DYNLT2B: variants seen among roughly 807,000 people sequenced by gnomAD.
DYNLT2B encodes dynein light chain Tctex-type 2B.
Under a neutral mutation model 19.5 loss-of-function variants are expected in DYNLT2B, and 14 were observed. The ratio of observed to expected loss-of-function variants is 0.72; its 90% confidence interval spans 0.47 to 1.12. The LOEUF (loss-of-function observed/expected upper bound fraction) is 1.12. Among genes scored for constraint, DYNLT2B ranks in the 50% most tolerant of loss-of-function variants. DYNLT2B has a pLI of 0.00. For missense variants in DYNLT2B, 133 were observed against 174.7 expected, an observed-to-expected ratio of 0.76 and a Z score of 1.35; for synonymous variants, 70 against 59.7, an observed-to-expected ratio of 1.17 and a Z score of -0.79.
intron 3 of DYNLT2B, among the ~76,000 whole-genome samples, chr3:196,299,294 A>G (rs1726292912): frequency 6.6e-6 from 1 of 152,030 alleles, no homozygotes; most frequent in Non-Finnish European, 1.5e-5. Flanking sequence ...CATGTTGGGC[A>G]GGCTGGTCTC....
intron 3 of DYNLT2B, among the ~76,000 whole-genome samples, chr3:196,303,605 T>C (rs1027988356): frequency 6.6e-6 from 1 of 151,858 alleles, no homozygotes; most frequent in Non-Finnish European, 1.5e-5. Flanking sequence ...AGCAGAAAAA[T>C]CCCAGTGAAG....
chr3:196,314,937 G>A lies in DYNLT2B; in HGVS notation c.247+1161C>T, dbSNP rs189762384. ...TTGGTAGGGGTCGAGGGTTGAGTAA[G>A]GGAAGTAGCTAAGGATTAGGGAGGA... is the stretch of plus-strand genomic sequence containing the variant. On this transcript the variant is annotated intron_variant, in intron 2 of 4. Transcript: ENST00000325318. 4.1e-4 allele frequency among the ~76,000 whole-genome samples: 62 copies of A among 152,284 alleles called. 1 individual carries two copies. The East Asian group carries it at 8.5e-3, about 21-fold the overall frequency.
chr3:196,300,598 G>A (rs137939947), intron 3 of DYNLT2B, among the ~76,000 whole-genome samples: 54 of 151,380 alleles, frequency 3.6e-4, no homozygotes, highest in African/African-American at 9.7e-4. Flanking sequence ...GCGTGGTGGC[G>A]TGCGTCTCTA....
intron 1 of DYNLT2B, among the ~76,000 whole-genome samples, chr3:196,316,935 GTGTGT>G (rs1726831730): frequency 1.7e-5 from 1 of 59,154 alleles, no homozygotes; most frequent in Non-Finnish European, 3.5e-5. Flanking sequence ...GTGTTGTGTG[GTGTGT>G]GTGTGTGTGT....
intron 4 of DYNLT2B, among the ~76,000 whole-genome samples, chr3:196,294,374 C>A (rs1461102777): frequency 6.6e-6 from 1 of 152,034 alleles, no homozygotes. Context: ...AAAAATAAAA[C>A]CTTGGTGAGA....
intron 2 of DYNLT2B, among the ~76,000 whole-genome samples, chr3:196,310,545 G>A (rs1726611143): frequency 6.8e-6 from 1 of 147,948 alleles, no homozygotes; most frequent in Non-Finnish European, 1.5e-5. Flanking sequence ...TCTCCCACCT[G>A]AGCCTTCTGA....
intron 3 of DYNLT2B, 90 bp from the exon 4 acceptor site, chr3:196,296,159 A>G (rs1366635387): frequency 3.7e-6 from 4 of 1,082,854 alleles, no homozygotes; most frequent in Non-Finnish European, 5.7e-6. Context: ...TCCTTAATAC[A>G]TTCTCATAGA....
At chr3:196,300,266 A>G (rs1436070973) in intron 3 of DYNLT2B, among the ~76,000 whole-genome samples, 1 of 152,220 alleles carries the variant, frequency 6.6e-6, no homozygotes, top group Non-Finnish European at 1.5e-5. Context: ...ATAATTTGTT[A>G]CGGCAGCAAC....
intron 3 of DYNLT2B, 47 bp from the exon 4 acceptor site, chr3:196,296,116 T>G: frequency 1.3e-6 from 2 of 1,496,494 alleles, no homozygotes; most frequent in Non-Finnish European, 1.9e-6. Flanking sequence ...AACAAGGACC[T>G]AAACGACACA....
intron 3 of DYNLT2B, among the ~76,000 whole-genome samples, chr3:196,303,402 C>T (rs1488191537): frequency 6.6e-6 from 1 of 152,168 alleles, no homozygotes; most frequent in Non-Finnish European, 1.5e-5. Context: ...CAAGTGAACC[C>T]ACTGAGCAGT....
chr3:196,300,730 CAAAAAAAAAAAAA>C lies in DYNLT2B; in HGVS notation c.318-4674_318-4662del, dbSNP rs1171224774. 2.2e-3 allele frequency among the ~76,000 whole-genome samples: 149 copies of C among 68,852 alleles called. 1 individual carries two copies. Among genetic ancestry groups the C allele is most frequent in the East Asian group, 7.9e-3 (19 of 2,408 alleles). The allele number at this position is 68,852 out of a possible 152,430, so 45.2% of individuals were successfully genotyped here. ...GGCAACAAGAATGAAACTCTGTCTC[CAAAAAAAAAAAAA>C]AAAAAAAAATAGAAACAAGGGTGAG... On this transcript the variant is annotated intron_variant, in intron 3 of 4. Transcript: ENST00000325318.
chr3:196,292,494 A>T (rs1351143036), intron 4 of DYNLT2B: 2 of 152,234 alleles, frequency 1.3e-5, no homozygotes, highest in Non-Finnish European at 1.5e-5. Context: ...GCTTTTGTAA[A>T]ATGCAATAAA....
chr3:196,303,394 A>G (rs1726406657), intron 3 of DYNLT2B, among the ~76,000 whole-genome samples: 1 of 152,216 alleles, frequency 6.6e-6, no homozygotes, highest in South Asian at 2.1e-4. Context: ...GCAGCGGGCA[A>G]GTGAACCCAC....
intron 3 of DYNLT2B, chr3:196,298,238 A>C: frequency 4.0e-6 from 1 of 247,742 alleles, no homozygotes; most frequent in Admixed American, 4.1e-5. Context: ...AATCAAGCAC[A>C]CACCACAAGA....
chr3:196,307,458 A>G (rs1038719306), intron 2 of DYNLT2B, among the ~76,000 whole-genome samples: 5 of 151,964 alleles, frequency 3.3e-5, no homozygotes, highest in African/African-American at 1.2e-4. Flanking sequence ...ATGCATCACC[A>G]CACCTGGCTA....
chr3:196,303,532 C>T (rs934807413), intron 3 of DYNLT2B, among the ~76,000 whole-genome samples: 1 of 152,076 alleles, frequency 6.6e-6, no homozygotes, highest in Non-Finnish European at 1.5e-5. Flanking sequence ...TATGATATGA[C>T]GAGAATGGCG....
chr3:196,306,358 G>C (rs762242432), intron 3 of DYNLT2B, among the ~76,000 whole-genome samples: 3 of 151,292 alleles, frequency 2.0e-5, no homozygotes, highest in Non-Finnish European at 4.4e-5. Context: ...AGCCCAGGAG[G>C]CCAAGGCTGC....
intron 3 of DYNLT2B, among the ~76,000 whole-genome samples, chr3:196,300,072 T>C (rs1009617717): frequency 3.3e-5 from 5 of 152,194 alleles, no homozygotes; most frequent in African/African-American, 4.8e-5. Context: ...AAACGGCTTA[T>C]GGGCTAAGGA....
chr3:196,303,698 G>A (rs753107406), intron 3 of DYNLT2B, among the ~76,000 whole-genome samples: 2 of 152,036 alleles, frequency 1.3e-5, no homozygotes, highest in Non-Finnish European at 2.9e-5. Context: ...AACTGTTACC[G>A]CCAAGAAGAG....
Sources: allele counts gnomAD v4.1 joint callset (sites outside exome capture counted in the v4.1 genomes callset), GRCh38; gene constraint gnomAD v4.1.1; transcripts MANE v1.5; gene names NCBI Gene and HGNC (gene_info 2026-07-23, HGNC 2026-07-21).